The following SPTLC2 variants were observed in gnomAD, a reference collection of about 807,000 sequenced individuals.
SPTLC2 encodes serine palmitoyltransferase 2.
Under a neutral mutation model 62.0 loss-of-function variants are expected in SPTLC2, and 21 were observed. That is an observed-to-expected ratio of 0.34 (90% confidence interval 0.24 to 0.49). SPTLC2 has a LOEUF of 0.49. Ranked by LOEUF, SPTLC2 falls within the 20% of genes least tolerant of loss-of-function variation. SPTLC2 has a pLI of 0.99. For synonymous variants in SPTLC2, 261 were observed against 261.8 expected (o/e 1.00, Z 0.03); for missense variants, 511 against 713.0 (o/e 0.72, Z 3.23).
At chr14:77,562,717 A>G (rs549168677) in intron 5 of SPTLC2, among the ~76,000 whole-genome samples, 1 of 152,358 alleles carries the variant, frequency 6.6e-6, no homozygotes, top group African/African-American at 2.4e-5. Flanking sequence ...TAATATCTTC[A>G]GTCCCATGAC....
intron 2 of SPTLC2, among the ~76,000 whole-genome samples, chr14:77,592,880 C>A (rs1566790013): frequency 6.6e-6 from 1 of 151,984 alleles, no homozygotes; most frequent in Non-Finnish European, 1.5e-5. Context: ...GAGGCCAAGG[C>A]AGGCTGAGGT....
At chr14:77,582,822 T>TA (rs550029007) in intron 2 of SPTLC2, among the ~76,000 whole-genome samples, 1 of 152,188 alleles carries the variant, frequency 6.6e-6, no homozygotes, top group Non-Finnish European at 1.5e-5. Context: ...GAGAGGGACT[T>TA]ACGGCCGAAA....
chr14:77,547,333 T>G (rs1371261475), intron 9 of SPTLC2, among the ~76,000 whole-genome samples: 1 of 152,134 alleles, frequency 6.6e-6, no homozygotes, highest in Non-Finnish European at 1.5e-5. Context: ...TCGATGAATT[T>G]CTAATAGTGA....
At chr14:77,516,922 T>TGAC (rs2079362129) in intron 11 of SPTLC2, among the ~76,000 whole-genome samples, 1 of 152,268 alleles carries the variant, frequency 6.6e-6, no homozygotes. Flanking sequence ...TATAATTAAC[T>TGAC]TTTATAAAGA....
chr14:77,607,432 A>G (rs2079911094), intron 1 of SPTLC2, among the ~76,000 whole-genome samples: 1 of 152,242 alleles, frequency 6.6e-6, no homozygotes. Context: ...AACCGCAATT[A>G]CTTTTCCACC....
chr14:77,564,038 G>A (rs937780692), intron 5 of SPTLC2, among the ~76,000 whole-genome samples: 2 of 151,922 alleles, frequency 1.3e-5, no homozygotes, highest in Non-Finnish European at 2.9e-5. Context: ...GATCACTTGA[G>A]GTCAGGAGTT....
At chr14:77,606,504 C>T (rs1376737585) in intron 1 of SPTLC2, among the ~76,000 whole-genome samples, 2 of 151,870 alleles carry the variant, frequency 1.3e-5, no homozygotes, top group African/African-American at 4.8e-5. Context: ...TTTCACATGC[C>T]CAGAGAAGTG....
At chr14:77,523,717 G>A (rs2079395579) in intron 9 of SPTLC2, among the ~76,000 whole-genome samples, 1 of 152,056 alleles carries the variant, frequency 6.6e-6, no homozygotes, top group South Asian at 2.1e-4. Flanking sequence ...TCCTCAGAAG[G>A]GGACTCTACT....
intron 10 of SPTLC2, among the ~76,000 whole-genome samples, chr14:77,519,781 C>T (rs1435304136): frequency 6.6e-6 from 1 of 152,180 alleles, no homozygotes; most frequent in East Asian, 1.9e-4. Context: ...AGTACATCTT[C>T]CTCAACATAC....
intron 3 of SPTLC2, 99 bp from the exon 4 acceptor site, chr14:77,577,014 A>G (rs973853284): frequency 5.8e-6 from 8 of 1,376,124 alleles, no homozygotes; most frequent in Non-Finnish European, 6.2e-6. Context: ...CAGAGAGAAC[A>G]AAGTCTATAT....
At position 77,521,634 on chromosome 14, in the gene SPTLC2, A is replaced by G. The variant is rs765079137; in HGVS notation, c.1304-53T>C. ...AATAATCCTAAGTAAAAAGGAATGG[A>G]AAAAAGACAGTAAATCTCCTCTATC... On this transcript the variant is annotated intron_variant, in intron 9 of 11. Coordinates refer to ENST00000216484, the MANE Select transcript of SPTLC2 (RefSeq NM_004863.4). 1.9e-5 allele frequency: 29 copies of G among 1,536,402 alleles called. No homozygotes were observed. In the East Asian group the frequency reaches 6.3e-4, roughly 33 times the overall value.
At chr14:77,543,823 C>T (rs904630658) in intron 9 of SPTLC2, among the ~76,000 whole-genome samples, 1 of 152,062 alleles carries the variant, frequency 6.6e-6, no homozygotes, top group Admixed American at 6.6e-5. Flanking sequence ...TGTCAGCATC[C>T]CAGGCATTTA....
In SPTLC2 at chr14:77,592,516, T is replaced by C. The variant is rs2079823717; in HGVS notation, c.327+4670A>G. On this transcript the variant is annotated intron_variant, in intron 2 of 11. Coordinates refer to ENST00000216484, the MANE Select transcript of SPTLC2 (RefSeq NM_004863.4). ...TGTATTTGAATTTCTTTCTTTCTTT[T>C]GTATCTTGAAAATAAGCCTATTGGG... Among the ~76,000 whole-genome samples the C allele has an allele frequency of 2.0e-5, 3 of 152,318 alleles. No individual in the cohort carries two copies. The South Asian group carries it at 6.2e-4, about 32-fold the overall frequency.
chr14:77,525,875 T>C (rs966997712), intron 9 of SPTLC2, among the ~76,000 whole-genome samples: 3 of 147,252 alleles, frequency 2.0e-5, no homozygotes, highest in Non-Finnish European at 3.0e-5. Context: ...GATTATGCCA[T>C]TGCACTCCAG....
intron 9 of SPTLC2, among the ~76,000 whole-genome samples, chr14:77,528,663 T>C (rs1326425519): frequency 6.6e-6 from 1 of 152,198 alleles, no homozygotes; most frequent in South Asian, 2.1e-4. Flanking sequence ...TTAATTGACA[T>C]AAAGCAGGAT....
rs2079335482 is a variant in SPTLC2 at position 77,512,191 on chromosome 14, T to C, written c.*93A>G. ...CTGAGGCAATGTCTTTCACGTGAGA[T>C]GGCCACAGAAGTGTGGTTCCTGGAA... On this transcript the variant is annotated 3_prime_UTR_variant, in exon 12 of 12. Transcript: ENST00000216484. The C allele has an allele frequency of 1.3e-6, 2 of 1,581,920 alleles. No individual in the cohort carries two copies. Among genetic ancestry groups the C allele is most frequent in the Middle Eastern group, 2.3e-4 (1 of 4,430 alleles).
At chr14:77,564,243 A>AAG (rs2079630466) in intron 5 of SPTLC2, among the ~76,000 whole-genome samples, 1 of 149,752 alleles carries the variant, frequency 6.7e-6, no homozygotes, top group African/African-American at 2.5e-5. Flanking sequence ...GGGGAAAAAA[A>AAG]AAAAAAAAAG....
chr14:77,520,189 A>G (rs1470244122), intron 10 of SPTLC2, among the ~76,000 whole-genome samples: 1 of 152,142 alleles, frequency 6.6e-6, no homozygotes, highest in Non-Finnish European at 1.5e-5. Flanking sequence ...ATAACTCTTC[A>G]TGTTTGTTTA....
At chr14:77,538,774 T>C (rs1478688747) in intron 9 of SPTLC2, among the ~76,000 whole-genome samples, 1 of 152,158 alleles carries the variant, frequency 6.6e-6, no homozygotes, top group African/African-American at 2.4e-5. Context: ...TTTCGCCATG[T>C]TGCTCAGGCT....
Sources: gnomAD v4.1 joint callset for allele counts (sites outside exome capture counted in the v4.1 genomes callset) on GRCh38, gnomAD v4.1.1 for gene constraint, MANE v1.5 for transcripts, NCBI Gene and HGNC (gene_info 2026-07-23, HGNC 2026-07-21) for gene names.